The following CABLES1 variants were observed in gnomAD, a reference collection of about 807,000 sequenced individuals.
CABLES1 encodes the protein Cdk5 and Abl enzyme substrate 1.
A neutral mutation model predicts 57.8 loss-of-function variants in CABLES1; 36 were observed. The ratio of observed to expected loss-of-function variants is 0.62; its 90% confidence interval spans 0.48 to 0.82. The LOEUF (loss-of-function observed/expected upper bound fraction) is 0.82. Among genes scored for constraint, CABLES1 ranks in the 40% least tolerant of loss-of-function variants. The pLI is 0.00. For synonymous variants in CABLES1, 374 were observed against 363.0 expected (o/e 1.03, Z -0.35); for missense variants, 767 against 836.6 (o/e 0.92, Z 1.03).
chr18:23,193,282 C>G (rs1361031047), intron 2 of CABLES1, among the ~76,000 whole-genome samples: 1 of 152,026 alleles, frequency 6.6e-6, no homozygotes, highest in Non-Finnish European at 1.5e-5. Context: ...ACCTCGGCCT[C>G]CCGGGTTGAA....
At chr18:23,230,153 A>G (rs2047556769) in intron 4 of CABLES1, among the ~76,000 whole-genome samples, 1 of 152,362 alleles carries the variant, frequency 6.6e-6, no homozygotes, top group South Asian at 2.1e-4. Flanking sequence ...CGGGCGGATC[A>G]CAAGGTCAGG....
At position 23,234,334 on chromosome 18, in the gene CABLES1, G is replaced by A. The variant is rs147605546; in HGVS notation, c.1089-274G>A. 2.7e-3 allele frequency among the ~76,000 whole-genome samples: 413 copies of A among 152,356 alleles called. 1 individual carries two copies. The highest frequency in any genetic ancestry group is 4.7e-3 in the Non-Finnish European group (322 of 68,032). ...CCTCATGTTCATTGGCCGTCTCTAG[G>A]AATATAAGGGGCCTCATGGAAGAGG... On this transcript the variant is annotated intron_variant, in intron 4 of 9. Coordinates refer to ENST00000256925, the MANE Select transcript of CABLES1 (RefSeq NM_001100619.3).
intron 7 of CABLES1, among the ~76,000 whole-genome samples, chr18:23,239,470 A>C (rs967458292): frequency 6.6e-6 from 1 of 152,212 alleles, no homozygotes; most frequent in African/African-American, 2.4e-5. Context: ...TGTGTATTAC[A>C]AAGGGCCTCA....
chr18:23,200,137 A>G (rs1158987337), intron 3 of CABLES1, among the ~76,000 whole-genome samples: 1 of 152,204 alleles, frequency 6.6e-6, no homozygotes, highest in Non-Finnish European at 1.5e-5. Flanking sequence ...TAGATCCTGG[A>G]GAATAGAAAG....
chr18:23,198,353 T>A (rs950157622), intron 3 of CABLES1, among the ~76,000 whole-genome samples: 1 of 152,208 alleles, frequency 6.6e-6, no homozygotes, highest in Non-Finnish European at 1.5e-5. Context: ...GCCTTTTAAA[T>A]GAGTTTGTCT....
rs867293170 is a variant in CABLES1 at position 23,186,529 on chromosome 18, G to A, written c.846-2309G>A. On this transcript the variant is annotated intron_variant, in intron 1 of 9. Coordinates refer to ENST00000256925, the MANE Select transcript of CABLES1 (RefSeq NM_001100619.3). Reference sequence around the variant, plus strand: ...CAACCTCTGCCTCCTGGGTTCAAGCGATTCTCCTGCCTCAGCCTCCCGAGT... The same window carrying A: ...CAACCTCTGCCTCCTGGGTTCAAGCAATTCTCCTGCCTCAGCCTCCCGAGT... Among the ~76,000 whole-genome samples, 8 of 151,456 alleles carry A rather than the reference G, an allele frequency of 5.3e-5. 1 individual carries two copies. In the East Asian group the frequency reaches 7.8e-4, roughly 15 times the overall value.
At chr18:23,148,517 T>C (rs1272343810) in intron 1 of CABLES1, among the ~76,000 whole-genome samples, 1 of 152,224 alleles carries the variant, frequency 6.6e-6, no homozygotes, top group Non-Finnish European at 1.5e-5. Flanking sequence ...CAGCAGGGAC[T>C]TCTATGTCGA....
intron 1 of CABLES1, among the ~76,000 whole-genome samples, chr18:23,174,768 C>T (rs765456486): frequency 2.5e-4 from 37 of 147,040 alleles, no homozygotes; most frequent in Non-Finnish European, 3.3e-4. Context: ...CCACCGCGCC[C>T]GGCCTGTGTT....
chr18:23,172,646 C>A lies in CABLES1; in HGVS notation c.846-16192C>A, dbSNP rs574169012. On this transcript the variant is annotated intron_variant, in intron 1 of 9. Coordinates refer to ENST00000256925, the MANE Select transcript of CABLES1 (RefSeq NM_001100619.3). ...CTTTGGTATAAAGGGTCCATTCAGA[C>A]CTCTGACATAGACTTTTTTGAAGAG... 1.1e-3 allele frequency among the ~76,000 whole-genome samples: 167 copies of A among 152,330 alleles called. 1 individual carries two copies. Among genetic ancestry groups the A allele is most frequent in the African/African-American group, 3.8e-3 (160 of 41,572 alleles).
At chr18:23,252,119 A>ATAAGCC (rs1442550779) in intron 7 of CABLES1, among the ~76,000 whole-genome samples, 2 of 152,326 alleles carry the variant, frequency 1.3e-5, no homozygotes, top group Middle Eastern at 3.4e-3. Context: ...GCTAAATAAA[A>ATAAGCC]TAAGCCTATG....
chr18:23,159,484 T>G (rs2046988295), intron 1 of CABLES1, among the ~76,000 whole-genome samples: 1 of 152,248 alleles, frequency 6.6e-6, no homozygotes, highest in Non-Finnish European at 1.5e-5. Context: ...AAAGGCACCT[T>G]TCCTATAAAC....
intron 7 of CABLES1, among the ~76,000 whole-genome samples, chr18:23,246,222 C>G (rs2047875600): frequency 6.6e-6 from 1 of 151,284 alleles, no homozygotes. Flanking sequence ...AGAGATCACA[C>G]CACTGCACAC....
chr18:23,235,835 A>G (rs1263705487), intron 5 of CABLES1, 60 bp from the exon 6 acceptor site: 9 of 1,522,436 alleles, frequency 5.9e-6, no homozygotes, highest in Admixed American at 1.7e-5. Flanking sequence ...GCTTGATCAG[A>G]ATGCAGAGCT....
At position 23,253,778 on chromosome 18, in the gene CABLES1, G is replaced by C; in HGVS notation, c.1603G>C (p.Glu535Gln). ...KLAQEDCGLE[E>Q]PTVAMAFVYF... is the part of the protein sequence containing the mutation. ...TGCGCAGGAGGACTGTGGCCTTGAG[G>C]AGCCCACGGTGGCCATGGCCTTCGT... The change falls in exon 9 of 10, where the codon GAG (glutamate) becomes CAG (glutamine). Residue 535 changes from glutamate (E) to glutamine (Q), a missense_variant. Around this residue, in one of 4 missense-constraint regions of CABLES1, gnomAD observed 529 missense variants for 622.8 expected, o/e 0.85. Coordinates refer to ENST00000256925, the MANE Select transcript of CABLES1 (RefSeq NM_001100619.3). 6.2e-7 allele frequency: 1 copy of C among 1,614,216 alleles called. No individual in the cohort carries two copies. The highest frequency in any genetic ancestry group is 1.1e-5 in the South Asian group (1 of 91,080).
At chr18:23,233,518 G>T (rs1374495665) in intron 4 of CABLES1, among the ~76,000 whole-genome samples, 1 of 152,214 alleles carries the variant, frequency 6.6e-6, no homozygotes, top group East Asian at 1.9e-4. Flanking sequence ...CCAAAGAAAT[G>T]ATGTGTGAGT....
At chr18:23,143,677 C>T (rs1043211537) in intron 1 of CABLES1, among the ~76,000 whole-genome samples, 1 of 152,200 alleles carries the variant, frequency 6.6e-6, no homozygotes, top group Non-Finnish European at 1.5e-5. Flanking sequence ...GTTGTGCTTC[C>T]CCCACCCTAG....
chr18:23,250,431 G>C (rs1176046513), intron 7 of CABLES1, among the ~76,000 whole-genome samples: 2 of 152,224 alleles, frequency 1.3e-5, no homozygotes, highest in Admixed American at 6.5e-5. Context: ...CTTGAGGCGA[G>C]CATGTTAGAT....
intron 1 of CABLES1, among the ~76,000 whole-genome samples, chr18:23,147,979 C>CTTTTTT (rs10603023): frequency 2.6e-5 from 2 of 78,358 alleles, no homozygotes; most frequent in African/African-American, 1.1e-4. Flanking sequence ...GCTTGGCCTC[C>CTTTTTT]TTTTTTTTTT....
chr18:23,234,019 C>G (rs1041654229), intron 4 of CABLES1, among the ~76,000 whole-genome samples: 1 of 152,038 alleles, frequency 6.6e-6, no homozygotes, highest in Non-Finnish European at 1.5e-5. Flanking sequence ...GAGTTTGAGA[C>G]CAGCCTGGCC....
Sources: gnomAD v4.1 joint callset for allele counts (sites outside exome capture counted in the v4.1 genomes callset) on GRCh38, gnomAD v4.1.1 for gene constraint, gnomAD v4.1.1 regional missense constraint, MANE v1.5 for transcripts, NCBI Gene and HGNC (gene_info 2026-07-23, HGNC 2026-07-21) for gene names.